The following ZNF724 variants were observed in gnomAD, a reference collection of about 807,000 sequenced individuals.
ZNF724 encodes zinc finger protein 724.
A neutral mutation model predicts 29.3 loss-of-function variants in ZNF724; 14 were observed. The observed-to-expected ratio is 0.48, with a 90% CI of 0.32 to 0.75. The LOEUF (loss-of-function observed/expected upper bound fraction) is 0.75, where lower values mean the gene tolerates loss of function less well. Among genes scored for constraint, ZNF724 ranks in the 30% least tolerant of loss-of-function variants. The pLI, the probability that ZNF724 is intolerant of heterozygous loss-of-function variation, is 0.04. For synonymous variants in ZNF724, 180 were observed against 193.6 expected, an observed-to-expected ratio of 0.93 and a Z score of 0.58; for missense variants, 557 against 571.2, an observed-to-expected ratio of 0.98 and a Z score of 0.25.
At position 23,223,092 on chromosome 19, in the gene ZNF724, T is replaced by C. The variant is rs1473125412; in HGVS notation, c.1153A>G (p.Lys385Glu). 7.9e-7 allele frequency: 1 copy of C among 1,267,922 alleles called. No homozygotes were observed. Among genetic ancestry groups the C allele is most frequent in the Non-Finnish European group, 1.2e-6 (1 of 865,522 alleles). 78.5% of individuals were successfully genotyped at this position (1,267,922 alleles called of 1,614,324 possible). Reference protein sequence around the residue: ...FNVSSTLTQHKRIHTGEKPYK... With the variant: ...FNVSSTLTQHERIHTGEKPYK... ...GGTTTTTCTCCAGTATGAATTCTCTTATGTTGAGTAAGAGTTGAGGACACG... is the reference window on the plus strand; with the variant it reads ...GGTTTTTCTCCAGTATGAATTCTCTCATGTTGAGTAAGAGTTGAGGACACG... Residue 385 changes from lysine (K) to glutamate (E), a missense_variant, in exon 4 of 4, where the codon AAG becomes GAG. Physicochemically the swap from Lys to Glu is moderately conservative, Grantham distance 56. Transcript: ENST00000418100.
At chr19:23,249,389 C>G (rs1027310587) in intron 1 of ZNF724, among the ~76,000 whole-genome samples, 1 of 146,504 alleles carries the variant, frequency 6.8e-6, no homozygotes, top group African/African-American at 2.5e-5. Flanking sequence ...TACAAGCATG[C>G]GCCACTATGC....
At chr19:23,238,486 A>G (rs7249408) in intron 1 of ZNF724, among the ~76,000 whole-genome samples, 78,427 of 152,190 alleles carry the variant, frequency 0.52, 21,068 homozygotes, top group East Asian at 0.68. Flanking sequence ...TATGATTTAC[A>G]TATATTTCAG....
At chr19:23,238,311 G>A (rs1568343627) in intron 1 of ZNF724, among the ~76,000 whole-genome samples, 1 of 151,978 alleles carries the variant, frequency 6.6e-6, no homozygotes. Flanking sequence ...CTTGCAATGA[G>A]CCCAGATCAC....
chr19:23,231,174 C>T (rs1971928227), intron 3 of ZNF724, 92 bp downstream of exon 3: 2 of 983,254 alleles, frequency 2.0e-6, no homozygotes, highest in Non-Finnish European at 3.0e-6. Flanking sequence ...TGAGCCACCA[C>T]ACCTGGCCCC....
At chr19:23,246,591 T>G (rs550993594) in intron 1 of ZNF724, among the ~76,000 whole-genome samples, 1 of 151,482 alleles carries the variant, frequency 6.6e-6, no homozygotes, top group South Asian at 2.1e-4. Flanking sequence ...GAGTCGGAGG[T>G]TGCAGTGAGC....
intron 1 of ZNF724, among the ~76,000 whole-genome samples, chr19:23,248,347 C>T (rs1972278998): frequency 1.3e-5 from 2 of 152,074 alleles, no homozygotes; most frequent in African/African-American, 2.4e-5. Context: ...ATTTTCAGTT[C>T]TCGAGATTGT....
intron 1 of ZNF724, among the ~76,000 whole-genome samples, chr19:23,249,545 C>T (rs1354301667): frequency 6.6e-6 from 1 of 151,712 alleles, no homozygotes; most frequent in Non-Finnish European, 1.5e-5. Context: ...ATTACAGGAC[C>T]GCGCCACCAC....
chr19:23,249,887 G>A (rs984410527), intron 1 of ZNF724, among the ~76,000 whole-genome samples: 1 of 152,084 alleles, frequency 6.6e-6, no homozygotes, highest in Non-Finnish European at 1.5e-5. Context: ...GCGGACTAAA[G>A]CCCTTCCCAT....
Position 23,222,154 on chromosome 19 carries a change from C to A in ZNF724, c.*231G>T, listed in dbSNP as rs1971727122. The A allele has an allele frequency of 5.9e-6, 2 of 340,658 alleles. No homozygotes were observed. The highest frequency in any genetic ancestry group is 5.4e-6 in the Non-Finnish European group (1 of 186,908). The allele number at this position is 340,658 out of a possible 1,614,324, so 21.1% of individuals were successfully genotyped here. The stretch of plus-strand genomic sequence containing the variant: ...ACATTCTTCACACTTGTAGAGGTTT[C>A]CTCTACTATATTTTACCTACAATCA... On this transcript the variant is annotated 3_prime_UTR_variant, in exon 4 of 4. Transcript: ENST00000418100.
chr19:23,244,695 C>T (rs999104142), intron 1 of ZNF724, among the ~76,000 whole-genome samples: 12 of 152,074 alleles, frequency 7.9e-5, no homozygotes, highest in Non-Finnish European at 7.4e-5. Context: ...ATTCTGACAC[C>T]ACCCAGAGTC....
intron 1 of ZNF724, among the ~76,000 whole-genome samples, chr19:23,238,644 G>C (rs1438173504): frequency 6.6e-6 from 1 of 151,978 alleles, no homozygotes; most frequent in Admixed American, 6.6e-5. Flanking sequence ...ACCAGGCATG[G>C]TAGCTCATGC....
At chr19:23,224,269 C>T (rs1285734744) in intron 3 of ZNF724, among the ~76,000 whole-genome samples, 2 of 152,046 alleles carry the variant, frequency 1.3e-5, no homozygotes, top group Non-Finnish European at 2.9e-5. Flanking sequence ...AAAAATTAGC[C>T]GGGCATGATA....
chr19:23,243,485 A>AAG (rs1972172906), intron 1 of ZNF724, among the ~76,000 whole-genome samples: 1 of 149,678 alleles, frequency 6.7e-6, no homozygotes, highest in Non-Finnish European at 1.5e-5. Flanking sequence ...CAAAAAAAAA[A>AAG]AAAAAAAAAA....
At chr19:23,232,005 AG>A (rs1337684929) in intron 2 of ZNF724, among the ~76,000 whole-genome samples, 161 bp downstream of exon 2, 6 of 152,128 alleles carry the variant, frequency 3.9e-5, no homozygotes, top group Admixed American at 3.3e-4. Context: ...CCAAAGTGCT[AG>A]GATTACAGGC....
intron 1 of ZNF724, among the ~76,000 whole-genome samples, chr19:23,246,518 G>A (rs760794233): frequency 6.6e-6 from 1 of 152,008 alleles, no homozygotes; most frequent in African/African-American, 2.4e-5. Flanking sequence ...AGCTGGGCGT[G>A]GTGGCATGCA....
intron 1 of ZNF724, among the ~76,000 whole-genome samples, chr19:23,233,766 A>AT (rs938497686): frequency 6.6e-6 from 1 of 151,788 alleles, no homozygotes; most frequent in African/African-American, 2.4e-5. Context: ...GGCAGGGCGG[A>AT]TACAGCTCTT....
chr19:23,248,742 C>G lies in ZNF724; in HGVS notation c.3+1498G>C, dbSNP rs373877738. Reference sequence around the variant, plus strand: ...GGGAGCACTGACTCATGCCTGTAATCCTACCACTTAGGGAGGCTGAGGCCG... The same window carrying G: ...GGGAGCACTGACTCATGCCTGTAATGCTACCACTTAGGGAGGCTGAGGCCG... On this transcript the variant is annotated intron_variant, in intron 1 of 3. Coordinates refer to ENST00000418100, the MANE Select transcript of ZNF724 (RefSeq NM_001355404.2). Among the ~76,000 whole-genome samples the G allele has an allele frequency of 2.6e-5, 4 of 152,060 alleles. No homozygotes were observed. The East Asian group carries it at 5.8e-4, about 22-fold the overall frequency.
intron 1 of ZNF724, among the ~76,000 whole-genome samples, chr19:23,248,399 G>C (rs575493024): frequency 6.6e-6 from 1 of 152,038 alleles, no homozygotes; most frequent in Non-Finnish European, 1.5e-5. Context: ...TCAAGCCAGA[G>C]TTAGGCTGGA....
At chr19:23,238,764 C>T (rs906497299) in intron 1 of ZNF724, among the ~76,000 whole-genome samples, 15 of 152,064 alleles carry the variant, frequency 9.9e-5, no homozygotes, top group African/African-American at 3.1e-4. Flanking sequence ...AAAAATTAGC[C>T]GGGCGTGGTG....
Sources: allele counts gnomAD v4.1 joint callset (sites outside exome capture counted in the v4.1 genomes callset), GRCh38; gene constraint gnomAD v4.1.1; transcripts MANE v1.5; gene names NCBI Gene and HGNC (gene_info 2026-07-23, HGNC 2026-07-21).